Variants in FMN2 observed in about 807,000 individuals in gnomAD.
The protein encoded by FMN2 is formin-2.
A neutral mutation model predicts 142.3 loss-of-function variants in FMN2; 51 were observed. The ratio of observed to expected loss-of-function variants is 0.36; its 90% CI spans 0.29 to 0.45. FMN2 has a LOEUF of 0.45. FMN2 is among the 20% of genes least tolerant of loss of function. The probability of loss-of-function intolerance (pLI) is 1.00; values close to 1 mark genes in which losing one functional copy is unlikely to be tolerated. For missense variants in FMN2, 1,936 were observed against 2,122.8 expected (o/e 0.91, Z 1.73); for synonymous variants, 882 against 869.8 (o/e 1.01, Z -0.25).
Position 240,329,375 on chromosome 1 carries a change from A to G in FMN2, c.4344A>G (p.Ser1448=). 1.2e-6 allele frequency: 2 copies of G among 1,613,734 alleles called. No individual in the cohort carries two copies. Among genetic ancestry groups the G allele is most frequent in the Non-Finnish European group, 1.7e-6 (2 of 1,179,886 alleles). Residue 1448 remains serine, a synonymous_variant, in exon 10 of 18, where the codon TCA becomes TCG. Coordinates refer to ENST00000319653, the MANE Select transcript of FMN2 (RefSeq NM_020066.5). ...LYELSLIPNF[S]ERVFCILFQS... is the part of the protein sequence containing the mutation. ...AACTGTCACTAATCCCCAACTTTTC[A>G]GAGCGAGTCTTTTGCATCCTGTTCC...
At chr1:240,132,289 A>G (rs905520216) in intron 2 of FMN2, among the ~76,000 whole-genome samples, 1 of 152,240 alleles carries the variant, frequency 6.6e-6, no homozygotes. Context: ...CATAGGTTGT[A>G]TGGTAAAATC....
intron 2 of FMN2, chr1:240,170,691 T>C: frequency 6.4e-7 from 1 of 1,567,988 alleles, no homozygotes; most frequent in Non-Finnish European, 8.8e-7. Flanking sequence ...TTCTAGGTTG[T>C]GGCATTTCAG....
At chr1:240,117,520 T>C (rs1662070704) in intron 1 of FMN2, among the ~76,000 whole-genome samples, 1 of 152,146 alleles carries the variant, frequency 6.6e-6, no homozygotes, top group Non-Finnish European at 1.5e-5. Context: ...GCTGAAGTGT[T>C]TGAAGTATGT....
Position 240,438,110 on chromosome 1 carries a change from A to G in FMN2, c.4960A>G (p.Lys1654Glu). The G allele has an allele frequency of 6.2e-7, 1 of 1,614,104 alleles. No individual in the cohort carries two copies. The highest frequency in any genetic ancestry group is 8.5e-7 in the Non-Finnish European group (1 of 1,179,984). The part of the protein sequence containing the change: ...YFFMKPKLGE[K>E]EVSPNAFFSI... ...CTTCATGAAACCAAAACTTGGAGAG[A>G]AGGAGGTGTCCCCAAATGCTTTCTT... The change falls in exon 16 of 18, where the codon AAG becomes GAG. Residue 1654 changes from lysine (K) to glutamate (E), a missense_variant. Coordinates refer to ENST00000319653, the MANE Select transcript of FMN2 (RefSeq NM_020066.5).
chr1:240,099,888 C>A (rs532660292), intron 1 of FMN2, among the ~76,000 whole-genome samples: 1 of 152,098 alleles, frequency 6.6e-6, no homozygotes, highest in African/African-American at 2.4e-5. Flanking sequence ...CCTGTTCACC[C>A]GATTCCATCC....
intron 7 of FMN2, among the ~76,000 whole-genome samples, chr1:240,287,284 T>C (rs911226033): frequency 6.6e-6 from 1 of 152,226 alleles, no homozygotes; most frequent in African/African-American, 2.4e-5. Flanking sequence ...TTCTGATCTC[T>C]GCTACATAAG....
chr1:240,448,386 G>A (rs986080123), intron 16 of FMN2, among the ~76,000 whole-genome samples: 7 of 152,144 alleles, frequency 4.6e-5, no homozygotes, highest in Non-Finnish European at 1.0e-4. Flanking sequence ...ATGTGTGTGT[G>A]TATGTGTTTT....
intron 1 of FMN2, among the ~76,000 whole-genome samples, chr1:240,101,366 G>T (rs185640133): frequency 6.6e-6 from 1 of 152,280 alleles, no homozygotes; most frequent in East Asian, 1.9e-4. Context: ...CGGAAGACCC[G>T]TTTATACCAC....
intron 14 of FMN2, among the ~76,000 whole-genome samples, chr1:240,377,112 AT>A (rs1414529545): frequency 1.1e-4 from 17 of 152,186 alleles, no homozygotes; most frequent in African/African-American, 4.1e-4. Context: ...CATAATTAGC[AT>A]TTCCAGTTTA....
intron 7 of FMN2, among the ~76,000 whole-genome samples, chr1:240,259,850 A>C (rs1467810847): frequency 6.6e-6 from 1 of 152,096 alleles, no homozygotes; most frequent in Non-Finnish European, 1.5e-5. Flanking sequence ...TGCACACATC[A>C]CCCAAGCAGT....
intron 14 of FMN2, among the ~76,000 whole-genome samples, chr1:240,369,276 A>G (rs1371883643): frequency 6.6e-6 from 1 of 152,200 alleles, no homozygotes; most frequent in Non-Finnish European, 1.5e-5. Context: ...AGCAAAGTCT[A>G]AAGTTGCTGT....
intron 6 of FMN2, among the ~76,000 whole-genome samples, chr1:240,216,735 G>A (rs1362426626): frequency 2.6e-5 from 4 of 152,074 alleles, no homozygotes; most frequent in African/African-American, 9.7e-5. Flanking sequence ...AATGTTCGAG[G>A]TCAGGAGTTT....
At chr1:240,336,955 T>A (rs1340323039) in intron 13 of FMN2, among the ~76,000 whole-genome samples, 2 of 152,042 alleles carry the variant, frequency 1.3e-5, no homozygotes, top group African/African-American at 2.4e-5. Flanking sequence ...AAGGAAATCT[T>A]ATGGACTGAA....
chr1:240,397,457 T>A (rs1295406146), intron 15 of FMN2, among the ~76,000 whole-genome samples: 2 of 152,114 alleles, frequency 1.3e-5, no homozygotes, highest in African/African-American at 4.8e-5. Context: ...AATCTACTTT[T>A]TTCAATGCCT....
At chr1:240,265,742 C>T (rs1007697086) in intron 7 of FMN2, among the ~76,000 whole-genome samples, 3 of 152,092 alleles carry the variant, frequency 2.0e-5, no homozygotes, top group African/African-American at 7.2e-5. Flanking sequence ...CCTCAGTTTT[C>T]TCATTAGTTC....
chr1:240,123,496 G>A (rs1571952069), intron 2 of FMN2, 151 bp downstream of exon 2: 3 of 202,712 alleles, frequency 1.5e-5, no homozygotes, highest in Non-Finnish European at 2.4e-5. Flanking sequence ...CGGTATGTCT[G>A]TTTGTACACA....
intron 16 of FMN2, among the ~76,000 whole-genome samples, chr1:240,451,883 C>T (rs942019102): frequency 6.6e-6 from 1 of 151,970 alleles, no homozygotes; most frequent in Admixed American, 6.6e-5. Flanking sequence ...TTATAATGGA[C>T]ATCTAAAGTG....
intron 6 of FMN2, among the ~76,000 whole-genome samples, chr1:240,256,477 G>A (rs1476268869): frequency 6.6e-6 from 1 of 151,574 alleles, no homozygotes; most frequent in Non-Finnish European, 1.5e-5. Flanking sequence ...AGTGGTTTAT[G>A]CCTGTTATTT....
At position 240,093,730 on chromosome 1, in the gene FMN2, C is replaced by G; in HGVS notation, c.1615+6C>G. The G allele has an allele frequency of 1.5e-6, 2 of 1,324,004 alleles. No homozygotes were observed. Among genetic ancestry groups the G allele is most frequent in the Non-Finnish European group, 1.9e-6 (2 of 1,042,394 alleles). 82.0% of individuals were successfully genotyped at this position (1,324,004 alleles called of 1,614,324 possible). On this transcript the variant is annotated splice_donor_region_variant and intron_variant, in intron 1 of 17. Transcript: ENST00000319653. ...CTTCCAGAACGTGTTCACAGGTGAG[C>G]GCGCCCTGCTGCTGGCCTCCGGGTC... is the stretch of plus-strand genomic sequence containing the variant.
Sources: gnomAD v4.1 joint callset for allele counts (sites outside exome capture counted in the v4.1 genomes callset) on GRCh38, gnomAD v4.1.1 for gene constraint, MANE v1.5 for transcripts, NCBI Gene and HGNC (gene_info 2026-07-23, HGNC 2026-07-21) for gene names.